The following PLPPR1 variants were observed in gnomAD, a reference collection of about 807,000 sequenced individuals.
PLPPR1 encodes phospholipid phosphatase related 1.
PLPPR1 carries 10 observed loss-of-function variants against 33.1 expected under a neutral mutation model. The observed-to-expected ratio is 0.30, with a 90% CI of 0.19 to 0.51. The LOEUF is 0.51. Among genes scored for constraint, PLPPR1 ranks in the 20% least tolerant of loss-of-function variants. The probability of loss-of-function intolerance (pLI) is 0.97; values close to 1 mark genes in which losing one functional copy is unlikely to be tolerated. For missense variants in PLPPR1, 304 were observed against 408.1 expected, an observed-to-expected ratio of 0.74 and a Z score of 2.20; for synonymous variants, 151 against 151.0, an observed-to-expected ratio of 1.00 and a Z score of 0.00.
chr9:101,169,420 C>G (rs1416372500), intron 1 of PLPPR1, among the ~76,000 whole-genome samples: 1 of 152,018 alleles, frequency 6.6e-6, no homozygotes, highest in African/African-American at 2.4e-5. Context: ...AGGGCAATGC[C>G]CTTCTAGTCT....
chr9:101,321,108 G>C (rs1200231094), intron 7 of PLPPR1, among the ~76,000 whole-genome samples: 1 of 152,152 alleles, frequency 6.6e-6, no homozygotes, highest in Non-Finnish European at 1.5e-5. Flanking sequence ...CGGCATCTTT[G>C]TAATTTTTGG....
chr9:101,151,675 T>G lies in PLPPR1; in HGVS notation c.-45-33775T>G, dbSNP rs117098368. Reference sequence around the variant, plus strand: ...TTGGTTTACAAAGGGATGGCAACTATGTAGCACTTGCGCTGCCACTTCTCT... The same window carrying G: ...TTGGTTTACAAAGGGATGGCAACTAGGTAGCACTTGCGCTGCCACTTCTCT... On this transcript the variant is annotated intron_variant, in intron 1 of 7. Transcript: ENST00000374874. Among the ~76,000 whole-genome samples, 95 of 152,320 alleles carry G rather than the reference T, an allele frequency of 6.2e-4. No homozygotes were observed. The East Asian group carries it at 0.017, about 28-fold the overall frequency.
At chr9:101,115,073 C>T (rs1831102896) in intron 1 of PLPPR1, among the ~76,000 whole-genome samples, 1 of 152,178 alleles carries the variant, frequency 6.6e-6, no homozygotes, top group African/African-American at 2.4e-5. Context: ...TGGGGCCAGA[C>T]TGCATTTGAT....
chr9:101,303,122 G>A (rs904956291), intron 4 of PLPPR1, among the ~76,000 whole-genome samples: 1 of 151,608 alleles, frequency 6.6e-6, no homozygotes, highest in Non-Finnish European at 1.5e-5. Context: ...GAGTAGCTGG[G>A]ATTACAGGCA....
intron 2 of PLPPR1, among the ~76,000 whole-genome samples, chr9:101,233,002 C>T (rs1827222587): frequency 6.6e-6 from 1 of 152,012 alleles, no homozygotes; most frequent in Admixed American, 6.6e-5. Context: ...CGAAACTTCC[C>T]CATTCAGGTC....
chr9:101,303,774 C>CT (rs1367234405), intron 4 of PLPPR1, among the ~76,000 whole-genome samples: 1 of 152,058 alleles, frequency 6.6e-6, no homozygotes, highest in African/African-American at 2.4e-5. Flanking sequence ...CTATTCTTTT[C>CT]TTTTTTAAAG....
intron 1 of PLPPR1, among the ~76,000 whole-genome samples, chr9:101,059,104 G>A (rs1830312411): frequency 6.6e-6 from 1 of 152,068 alleles, no homozygotes; most frequent in African/African-American, 2.4e-5. Flanking sequence ...CATTGCATAT[G>A]AGGTAGACAT....
chr9:101,118,094 T>C (rs1831136861), intron 1 of PLPPR1, among the ~76,000 whole-genome samples: 1 of 152,220 alleles, frequency 6.6e-6, no homozygotes, highest in Admixed American at 6.5e-5. Context: ...AGAAATTACC[T>C]AAGATACAGT....
chr9:101,074,623 C>G (rs1477450429), intron 1 of PLPPR1, among the ~76,000 whole-genome samples: 1 of 151,936 alleles, frequency 6.6e-6, no homozygotes, highest in Non-Finnish European at 1.5e-5. Flanking sequence ...ACTTTGTGCT[C>G]CTGTTCTCTT....
At chr9:101,078,722 G>A (rs1445857038) in intron 1 of PLPPR1, among the ~76,000 whole-genome samples, 1 of 151,844 alleles carries the variant, frequency 6.6e-6, no homozygotes, top group African/African-American at 2.4e-5. Context: ...AAATCTCTTG[G>A]CCATTTCTGC....
intron 1 of PLPPR1, among the ~76,000 whole-genome samples, chr9:101,156,570 AAAAG>A (rs1451562482): frequency 0.011 from 1,050 of 97,878 alleles, 74 homozygotes; most frequent in Middle Eastern, 0.028. Context: ...AAAAAAAAAA[AAAAG>A]AAAGAAAGAA....
chr9:101,316,362 G>A (rs992536321), intron 6 of PLPPR1, among the ~76,000 whole-genome samples: 5 of 151,806 alleles, frequency 3.3e-5, no homozygotes, highest in East Asian at 1.9e-4. Flanking sequence ...GCATGAACCC[G>A]GGAGGCAGAG....
chr9:101,121,304 G>T (rs957390615), intron 1 of PLPPR1, among the ~76,000 whole-genome samples: 1 of 152,112 alleles, frequency 6.6e-6, no homozygotes. Context: ...TTTAATGCTT[G>T]CAACAACCCT....
chr9:101,145,251 AAG>A (rs1831505608), intron 1 of PLPPR1, among the ~76,000 whole-genome samples: 1 of 152,250 alleles, frequency 6.6e-6, no homozygotes, highest in Non-Finnish European at 1.5e-5. Flanking sequence ...GAAAATAGCT[AAG>A]AGAGTAGATT....
chr9:101,281,823 A>G (rs1203816228), intron 3 of PLPPR1, among the ~76,000 whole-genome samples: 3 of 152,144 alleles, frequency 2.0e-5, no homozygotes, highest in Non-Finnish European at 4.4e-5. Flanking sequence ...AACAAATTGG[A>G]TAGCCTAGAA....
chr9:101,292,708 T>A (rs1260881394), intron 4 of PLPPR1, among the ~76,000 whole-genome samples: 1 of 151,700 alleles, frequency 6.6e-6, no homozygotes, highest in Non-Finnish European at 1.5e-5. Context: ...CAAACTAAGC[T>A]TCATAAGTGA....
intron 1 of PLPPR1, among the ~76,000 whole-genome samples, chr9:101,161,724 C>A (rs12347071): frequency 2.2e-3 from 330 of 151,928 alleles, no homozygotes; most frequent in African/African-American, 7.5e-3. Context: ...TTTTCCCATA[C>A]CATAGGACCA....
intron 4 of PLPPR1, among the ~76,000 whole-genome samples, chr9:101,299,081 C>A (rs1350238083): frequency 6.6e-6 from 1 of 152,146 alleles, no homozygotes; most frequent in Non-Finnish European, 1.5e-5. Flanking sequence ...TCTTTCTGAG[C>A]CATGAGTCTA....
intron 1 of PLPPR1, among the ~76,000 whole-genome samples, chr9:101,178,950 G>A (rs1039874657): frequency 4.6e-5 from 7 of 152,136 alleles, no homozygotes; most frequent in Non-Finnish European, 7.4e-5. Context: ...GAGGAACACT[G>A]TCACCAGGAG....
Sources: gnomAD v4.1 joint callset for allele counts (sites outside exome capture counted in the v4.1 genomes callset) on GRCh38, gnomAD v4.1.1 for gene constraint, MANE v1.5 for transcripts, NCBI Gene and HGNC (gene_info 2026-07-23, HGNC 2026-07-21) for gene names.